STXBP6: variants seen among roughly 807,000 people sequenced by gnomAD.
The protein encoded by STXBP6 is syntaxin binding protein 6, also known as syntaxin-binding protein 6.
A neutral mutation model predicts 26.9 loss-of-function variants in STXBP6; 21 were observed. The observed-to-expected ratio is 0.78, with a 90% confidence interval of 0.55 to 1.12. The LOEUF (loss-of-function observed/expected upper bound fraction) is 1.12, where lower values mean the gene tolerates loss of function less well. Ranked by LOEUF, STXBP6 falls within the 50% of genes most tolerant of loss-of-function variation. The probability of loss-of-function intolerance (pLI) is 0.00; values close to 1 mark genes in which losing one functional copy is unlikely to be tolerated. For synonymous variants in STXBP6, 97 were observed against 92.6 expected (o/e 1.05, Z -0.27); for missense variants, 232 against 257.9 (o/e 0.90, Z 0.69).
intron 1 of STXBP6, among the ~76,000 whole-genome samples, chr14:24,986,118 G>C (rs1290890723): frequency 6.6e-6 from 1 of 152,096 alleles, no homozygotes; most frequent in Non-Finnish European, 1.5e-5. Flanking sequence ...ATCACAGTGG[G>C]GACTCTTCTC....
intron 2 of STXBP6, among the ~76,000 whole-genome samples, chr14:24,915,814 T>C (rs1026005877): frequency 4.6e-5 from 7 of 152,134 alleles, no homozygotes; most frequent in African/African-American, 1.2e-4. Context: ...GAGCCAAGGT[T>C]TGCAGAACAA....
chr14:24,908,365 G>T (rs1262555676), intron 2 of STXBP6, among the ~76,000 whole-genome samples: 4 of 152,126 alleles, frequency 2.6e-5, no homozygotes, highest in African/African-American at 9.7e-5. Flanking sequence ...AGCCTCCTAA[G>T]TGGTATACAC....
chr14:24,875,948 A>G (rs1192998143), intron 2 of STXBP6, among the ~76,000 whole-genome samples: 3 of 152,114 alleles, frequency 2.0e-5, no homozygotes, highest in Admixed American at 6.5e-5. Flanking sequence ...GTGGCAGGAT[A>G]TGATAAATAC....
chr14:24,976,194 A>T (rs1350724364), intron 1 of STXBP6, among the ~76,000 whole-genome samples: 1 of 152,236 alleles, frequency 6.6e-6, no homozygotes, highest in African/African-American at 2.4e-5. Flanking sequence ...ACTTAAATCC[A>T]GATAGTTTAT....
intron 4 of STXBP6, among the ~76,000 whole-genome samples, chr14:24,822,471 A>G (rs758662310): frequency 6.6e-6 from 1 of 152,242 alleles, no homozygotes; most frequent in Non-Finnish European, 1.5e-5. Flanking sequence ...TGAAAGATTT[A>G]TTCAACATTC....
At chr14:24,820,705 C>T (rs2068110128) in intron 4 of STXBP6, among the ~76,000 whole-genome samples, 1 of 152,170 alleles carries the variant, frequency 6.6e-6, no homozygotes, top group Non-Finnish European at 1.5e-5. Flanking sequence ...TAGCACTTTG[C>T]AATCATAAAG....
intron 2 of STXBP6, among the ~76,000 whole-genome samples, chr14:24,865,333 A>T (rs1444372786): frequency 6.6e-6 from 1 of 151,954 alleles, no homozygotes; most frequent in African/African-American, 2.4e-5. Context: ...TACTGCTTTG[A>T]GAGAGTTTCT....
At chr14:24,871,513 T>A (rs2069935060) in intron 2 of STXBP6, among the ~76,000 whole-genome samples, 1 of 152,206 alleles carries the variant, frequency 6.6e-6, no homozygotes, top group African/African-American at 2.4e-5. Flanking sequence ...TCTTGCTTCA[T>A]CAAGCTGTAC....
rs558379179 is a variant in STXBP6 at position 24,906,077 on chromosome 14, A to G, written c.155-48920T>C. On this transcript the variant is annotated intron_variant, in intron 2 of 5. Coordinates refer to ENST00000323944, the MANE Select transcript of STXBP6 (RefSeq NM_001394410.1). The stretch of plus-strand genomic sequence containing the variant: ...TTAATGATTTAATTTCCCTAGGTCA[A>G]TGCATCTTGATTAAATATTTGTTTC... Among the ~76,000 whole-genome samples the G allele has an allele frequency of 1.1e-4, 17 of 152,350 alleles. No individual in the cohort carries two copies. In the South Asian group the frequency reaches 3.3e-3, roughly 30 times the overall value.
chr14:24,983,896 A>G (rs2140250128), intron 1 of STXBP6, among the ~76,000 whole-genome samples: 1 of 152,354 alleles, frequency 6.6e-6, no homozygotes, highest in Non-Finnish European at 1.5e-5. Context: ...AGTTGAAACA[A>G]GTTTATATGC....
intron 2 of STXBP6, among the ~76,000 whole-genome samples, chr14:24,863,218 A>G (rs2069604544): frequency 6.6e-6 from 1 of 152,126 alleles, no homozygotes; most frequent in African/African-American, 2.4e-5. Context: ...TAGGACCACG[A>G]TATGGTTTTA....
intron 1 of STXBP6, among the ~76,000 whole-genome samples, chr14:24,993,534 T>A (rs2074526149): frequency 6.6e-6 from 1 of 152,176 alleles, no homozygotes; most frequent in South Asian, 2.1e-4. Flanking sequence ...TTTTGCCTCC[T>A]TCCAACCCAC....
rs765980131 is a variant in STXBP6, at chr14:24,857,153, T to G, written c.159A>C (p.Thr53=). 3.7e-6 allele frequency: 6 copies of G among 1,612,778 alleles called. No individual in the cohort carries two copies. Among genetic ancestry groups the G allele is most frequent in the Non-Finnish European group, 4.2e-6 (5 of 1,179,082 alleles). ...EYLTYICLSV[T]NKKPTQASIT... ...TGGACGCCTGTGTGGGTTTCTTGTT[T>G]GTCACTGCCAAGAAAAGATCACTCA... The change falls in exon 3 of 6, where the codon ACA becomes ACC. Residue 53 remains threonine (T), a synonymous_variant. Coordinates refer to ENST00000323944, the MANE Select transcript of STXBP6 (RefSeq NM_001394410.1).
chr14:24,922,359 G>A (rs772719125), intron 2 of STXBP6, among the ~76,000 whole-genome samples: 3 of 152,036 alleles, frequency 2.0e-5, no homozygotes, highest in Non-Finnish European at 2.9e-5. Context: ...ATCATACCAC[G>A]TTTTAATTCC....
At chr14:24,970,360 T>A (rs981664542) in intron 2 of STXBP6, among the ~76,000 whole-genome samples, 2 of 152,132 alleles carry the variant, frequency 1.3e-5, no homozygotes, top group African/African-American at 4.8e-5. Flanking sequence ...AACACCACAA[T>A]CAACAAACAG....
chr14:25,048,186 T>A (rs909120257), intron 1 of STXBP6, among the ~76,000 whole-genome samples: 1 of 152,202 alleles, frequency 6.6e-6, no homozygotes, highest in African/African-American at 2.4e-5. Flanking sequence ...ATTAGCTCAT[T>A]CAAAACAACT....
chr14:24,819,055 A>G lies in STXBP6; in HGVS notation c.591T>C (p.Phe197=). Residue 197 remains phenylalanine (F), a synonymous_variant, in exon 5 of 6, where the codon TTT becomes TTC. Coordinates refer to ENST00000323944, the MANE Select transcript of STXBP6 (RefSeq NM_001394410.1). ...TEDLKNSAQQ[F]AETAHKLAMK... is the part of the protein sequence containing the mutation. Reference sequence around the variant, plus strand: ...GGCCCACCTTGTGCGCAGTTTCTGCAAACTGCTGGGCGCTGTTCTTCAGGT... The same window carrying G: ...GGCCCACCTTGTGCGCAGTTTCTGCGAACTGCTGGGCGCTGTTCTTCAGGT... 2 of 1,598,008 alleles carry G rather than the reference A, an allele frequency of 1.3e-6. No individual in the cohort carries two copies. The highest frequency in any genetic ancestry group is 1.1e-5 in the South Asian group (1 of 89,086).
At chr14:24,826,430 A>C (rs2068285104) in intron 4 of STXBP6, among the ~76,000 whole-genome samples, 1 of 152,102 alleles carries the variant, frequency 6.6e-6, no homozygotes, top group Admixed American at 6.6e-5. Flanking sequence ...GGCACTGGAG[A>C]GTCTTTCTGT....
intron 2 of STXBP6, among the ~76,000 whole-genome samples, chr14:24,953,355 AG>A (rs2073233543): frequency 6.6e-6 from 1 of 152,192 alleles, no homozygotes; most frequent in African/African-American, 2.4e-5. Flanking sequence ...TGCCAGGATG[AG>A]GATGTAAACC....
Sources: gnomAD v4.1 joint callset for allele counts (sites outside exome capture counted in the v4.1 genomes callset) on GRCh38, gnomAD v4.1.1 for gene constraint, MANE v1.5 for transcripts, NCBI Gene and HGNC (gene_info 2026-07-23, HGNC 2026-07-21) for gene names.